The following FSIP2 variants were observed in gnomAD, a reference collection of about 807,000 sequenced individuals.
The protein encoded by FSIP2 is fibrous sheath interacting protein 2, also known as fibrous sheath-interacting protein 2.
FSIP2 carries 367 observed loss-of-function variants against 510.5 expected under a neutral mutation model. That is an observed-to-expected ratio of 0.72 (90% CI 0.66 to 0.78). The LOEUF is 0.78. FSIP2 is among the 30% of genes least tolerant of loss of function. The probability of loss-of-function intolerance (pLI) is 0.00; values close to 1 mark genes in which losing one functional copy is unlikely to be tolerated. For missense variants in FSIP2, 7,594 were observed against 7,901.7 expected (o/e 0.96, Z 1.48); for synonymous variants, 2,601 against 2,732.2 (o/e 0.95, Z 1.50).
Position 185,805,365 on chromosome 2 carries a change from T to C in FSIP2, c.16059T>C (p.Asn5353=), listed in dbSNP as rs774362829. Residue 5353 remains asparagine (N), a synonymous_variant, in exon 17 of 23, where the codon AAT becomes AAC. Coordinates refer to ENST00000424728, the MANE Select transcript of FSIP2 (RefSeq NM_173651.4). ...IDKETVDKIS[N]FVYEQFIEKC... ...AAGAGACAGTTGATAAAATATCCAA[T>C]TTTGTATATGAACAGTTCATAGAAA... 1.2e-5 allele frequency: 19 copies of C among 1,596,698 alleles called. No individual in the cohort carries two copies. The highest frequency in any genetic ancestry group is 1.5e-5 in the Non-Finnish European group (18 of 1,173,832).
chr2:185,813,393 TTAAA>T, intron 17 of FSIP2, 148 bp from the exon 18 acceptor site: 1 of 444,472 alleles, frequency 2.2e-6, no homozygotes, highest in Non-Finnish European at 3.8e-6. Context: ...TTTATTTCTT[TTAAA>T]AATATTGCTA....
At position 185,800,384 on chromosome 2, in the gene FSIP2, A is replaced by T. The variant is rs1462120118; in HGVS notation, c.11078A>T (p.Lys3693Ile). The T allele has an allele frequency of 2.6e-6, 4 of 1,527,084 alleles. No individual in the cohort carries two copies. The Admixed American group carries it at 8.1e-5, about 31-fold the overall frequency. The allele number at this position is 1,527,084 out of a possible 1,614,324, so 94.6% of individuals were successfully genotyped here. ...LVGNLKTSESKEVVNKVFNIV... is the reference protein window; with the variant it reads ...LVGNLKTSESIEVVNKVFNIV... ...GGTAACCTAAAAACAAGTGAATCCA[A>T]AGAAGTAGTCAATAAAGTTTTTAAT... Residue 3693 changes from lysine (K) to isoleucine (I), a missense_variant, in exon 17 of 23, where the codon AAA (lysine) becomes ATA (isoleucine). Lys to Ile is a moderately radical substitution (Grantham distance 102, BLOSUM62 -3). Transcript: ENST00000424728.
At chr2:185,759,331 G>T in intron 9 of FSIP2, among the ~76,000 whole-genome samples, 1 of 149,010 alleles carries the variant, frequency 6.7e-6, no homozygotes, top group African/African-American at 2.4e-5. Flanking sequence ...ATTTTTGAAT[G>T]AATCAAATTA....
At chr2:185,767,199 G>A (rs1426621264) in intron 13 of FSIP2, among the ~76,000 whole-genome samples, 4 of 149,052 alleles carry the variant, frequency 2.7e-5, no homozygotes, top group African/African-American at 5.0e-5. Flanking sequence ...GGATAGCATC[G>A]GGAGATATAC....
chr2:185,807,341 T>C lies in FSIP2; in HGVS notation c.18035T>C (p.Phe6012Ser). Residue 6012 changes from phenylalanine (F) to serine (S), a missense_variant, in exon 17 of 23, where the codon TTT becomes TCT. Coordinates refer to ENST00000424728, the MANE Select transcript of FSIP2 (RefSeq NM_173651.4). Reference protein sequence around the residue: ...SPYTIILPHKFLENVISALFS... With the variant: ...SPYTIILPHKSLENVISALFS... The stretch of plus-strand genomic sequence containing the variant: ...TATACAATAATATTACCTCATAAAT[T>C]TTTGGAGAATGTGATTTCTGCTCTT... 6.2e-7 allele frequency: 1 copy of C among 1,610,808 alleles called. No homozygotes were observed. The highest frequency in any genetic ancestry group is 8.5e-7 in the Non-Finnish European group (1 of 1,178,826).
At chr2:185,770,909 T>C (rs1267459288) in intron 13 of FSIP2, among the ~76,000 whole-genome samples, 1 of 152,182 alleles carries the variant, frequency 6.6e-6, no homozygotes, top group Non-Finnish European at 1.5e-5. Context: ...TGGGTAGAAT[T>C]TCCATTCTAA....
In FSIP2 at chr2:185,789,157, T is replaced by A. The variant is rs917150461; in HGVS notation, c.2021T>A (p.Leu674Ter). ...GAAACAGATAGCTTAGGGAGTTCAT[T>A]GCATTGTGATAAAACAGCAAAAGCC... ...TTETDSLGSS[L>*]HCDKTAKAMD... is the part of the protein sequence containing the mutation. The change falls in exon 16 of 23, where the codon TTG becomes TAG. Residue 674 changes from leucine to a stop codon, truncating the protein, a stop_gained. Transcript: ENST00000424728. LOFTEE classifies it high-confidence loss of function. 27 of 1,534,934 alleles carry A rather than the reference T, an allele frequency of 1.8e-5. No individual in the cohort carries two copies. In the African/African-American group the frequency reaches 2.6e-4, roughly 15 times the overall value.
intron 15 of FSIP2, among the ~76,000 whole-genome samples, chr2:185,786,562 T>C (rs1243878850): frequency 1.3e-5 from 2 of 151,864 alleles, no homozygotes; most frequent in Non-Finnish European, 2.9e-5. Context: ...ATAACCATCA[T>C]AGGAAGAGAA....
At chr2:185,819,433 A>G (rs1693876169) in intron 19 of FSIP2, among the ~76,000 whole-genome samples, 1 of 151,928 alleles carries the variant, frequency 6.6e-6, no homozygotes, top group African/African-American at 2.4e-5. Flanking sequence ...ATCCAACTGT[A>G]TGTTATCCAT....
rs1275179769 is a variant in FSIP2 at position 185,791,834 on chromosome 2, A to T, written c.4698A>T (p.Lys1566Asn). ...AACCTGTTGCTCCTGTGTCTTCCAA[A>T]ACACCAAGCACAAAAGAAATGCATC... ...KAKPVAPVSS[K>N]TPSTKEMHPN... The change falls in exon 16 of 23, where the codon AAA becomes AAT. Residue 1566 changes from lysine (K) to asparagine (N), a missense_variant. By Grantham distance (94) the Lys-to-Asn change is moderately conservative (BLOSUM62 0). Coordinates refer to ENST00000424728, the MANE Select transcript of FSIP2 (RefSeq NM_173651.4). 9.1e-6 allele frequency: 14 copies of T among 1,533,666 alleles called. No homozygotes were observed. The East Asian group carries it at 3.2e-4, about 35-fold the overall frequency.
rs774136675 is a variant in FSIP2 at position 185,806,517 on chromosome 2, A to T, written c.17211A>T (p.Ser5737=). ...TTACAACAAAAAAAGTATCCTCCTC[A>T]ACTAACAAAAATATCTCTGCCAAAG... ...QSVTTKKVSS[S]TNKNISAKEK... The change falls in exon 17 of 23, where the codon TCA becomes TCT. Residue 5737 remains serine, a synonymous_variant. Transcript: ENST00000424728. The T allele has an allele frequency of 3.1e-6, 5 of 1,599,546 alleles. No homozygotes were observed. Among genetic ancestry groups the T allele is most frequent in the Non-Finnish European group, 4.3e-6 (5 of 1,175,808 alleles).
At chr2:185,810,537 CTTT>C (rs11298474) in intron 17 of FSIP2, among the ~76,000 whole-genome samples, 381 of 107,030 alleles carry the variant, frequency 3.6e-3, no homozygotes, top group African/African-American at 0.013. Context: ...AGTTAAACCT[CTTT>C]TTTTTTTTTT....
Position 185,808,430 on chromosome 2 carries a change from A to G in FSIP2, c.19124A>G (p.Lys6375Arg), listed in dbSNP as rs1195923434. 1 of 1,606,046 alleles carries G rather than the reference A, an allele frequency of 6.2e-7. No homozygotes were observed. The highest frequency in any genetic ancestry group is 8.5e-7 in the Non-Finnish European group (1 of 1,177,756). ...AGCAAAGATGAAAAAAACTTATCAA[A>G]GACTGAGTTAAATAAAATTGCATCT... is the stretch of plus-strand genomic sequence containing the variant. ...SSSKDEKNLS[K>R]TELNKIASQL... is the part of the protein sequence containing the mutation. Residue 6375 changes from lysine to arginine, a missense_variant, in exon 17 of 23, where the codon AAG (lysine) becomes AGG (arginine). Physicochemically the swap from Lys to Arg is conservative, Grantham distance 26. Transcript: ENST00000424728.
At chr2:185,759,641 T>TTATATATTA (rs1490204633) in intron 9 of FSIP2, among the ~76,000 whole-genome samples, 2 of 146,340 alleles carry the variant, frequency 1.4e-5, no homozygotes, top group African/African-American at 4.9e-5. Flanking sequence ...AATAATATTG[T>TTATATATTA]TATATATTAT....
chr2:185,749,731 T>C (rs915569319), intron 7 of FSIP2, among the ~76,000 whole-genome samples: 2 of 151,884 alleles, frequency 1.3e-5, no homozygotes, highest in African/African-American at 2.4e-5. Flanking sequence ...AGTGGCTCTC[T>C]TTGCTAGTGA....
chr2:185,776,302 T>A (rs1226299571), intron 13 of FSIP2, among the ~76,000 whole-genome samples: 2 of 148,892 alleles, frequency 1.3e-5, no homozygotes, highest in Non-Finnish European at 2.9e-5. Flanking sequence ...AATTAAAAAT[T>A]ATAATAATAA....
At position 185,739,409 on chromosome 2, in the gene FSIP2, G is replaced by A. The variant is rs867177922; in HGVS notation, c.163G>A (p.Val55Ile). 5.9e-6 allele frequency: 9 copies of A among 1,535,148 alleles called. No homozygotes were observed. The highest frequency in any genetic ancestry group is 1.7e-4 in the Middle Eastern group (1 of 6,006). Residue 55 changes from valine (V) to isoleucine (I), a missense_variant, in exon 2 of 23, where the codon GTC becomes ATC. Physicochemically the swap from Val to Ile is conservative, Grantham distance 29. Transcript: ENST00000424728. Reference sequence around the variant, plus strand: ...TCAGCTACTGGACCTACCTCTCGGGGTCAAGCTGCCTGTGATCCCAGGAAG... The same window carrying A: ...TCAGCTACTGGACCTACCTCTCGGGATCAAGCTGCCTGTGATCCCAGGAAG... ...PAQLLDLPLG[V>I]KLPVIPGSNA...
At chr2:185,831,731 T>C in intron 21 of FSIP2, 82 bp from the exon 22 acceptor site, 1 of 818,346 alleles carries the variant, frequency 1.2e-6, no homozygotes, top group South Asian at 1.4e-5. Context: ...TAGGTATATC[T>C]AGTGGATTTG....
chr2:185,765,549 T>A (rs1039936790), intron 13 of FSIP2: 1 of 152,088 alleles, frequency 6.6e-6, no homozygotes, highest in African/African-American at 2.4e-5. Flanking sequence ...TACTGTAGCC[T>A]TGTAGTATAG....
Sources: gnomAD v4.1 joint callset for allele counts (sites outside exome capture counted in the v4.1 genomes callset) on GRCh38, gnomAD v4.1.1 for gene constraint, MANE v1.5 for transcripts, NCBI Gene and HGNC (gene_info 2026-07-23, HGNC 2026-07-21) for gene names.